FAH: variants seen among roughly 807,000 people sequenced by gnomAD.
FAH encodes the protein fumarylacetoacetate hydrolase.
A neutral mutation model predicts 55.8 loss-of-function variants in FAH; 47 were observed. That is an observed-to-expected ratio of 0.84 (90% CI 0.67 to 1.07). The LOEUF (loss-of-function observed/expected upper bound fraction) is 1.07. FAH is among the 50% of genes least tolerant of loss of function. The pLI, the probability that FAH is intolerant of heterozygous loss-of-function variation, is 0.00. For missense variants in FAH, 495 were observed against 545.9 expected, an observed-to-expected ratio of 0.91 and a Z score of 0.93; for synonymous variants, 199 against 207.7, an observed-to-expected ratio of 0.96 and a Z score of 0.36.
At position 80,172,958 on chromosome 15, in the gene FAH, G is replaced by A. The variant is rs3752693; in HGVS notation, c.707-56G>A. The A allele has an allele frequency of 0.055, 88,770 of 1,613,384 alleles. 3,245 individuals are homozygous for A. The highest frequency in any genetic ancestry group is 0.15 in the East Asian group (6,700 of 44,866). Reference sequence around the variant, plus strand: ...CCTTGGTCAAGGGCAGGAGGGGGTCGTTGGGAGATGCCCTGATCAGCCTTT... The same window carrying A: ...CCTTGGTCAAGGGCAGGAGGGGGTCATTGGGAGATGCCCTGATCAGCCTTT... On this transcript the variant is annotated intron_variant, in intron 8 of 13. Coordinates refer to ENST00000561421, the MANE Select transcript of FAH (RefSeq NM_000137.4).
chr15:80,168,366 G>A, intron 7 of FAH, 50 bp downstream of exon 7: 1 of 1,596,534 alleles, frequency 6.3e-7, no homozygotes, highest in Non-Finnish European at 8.6e-7. Flanking sequence ...ACACCCGGCA[G>A]GAGAGCCCTT....
At chr15:80,155,244 C>T (rs981677121) in intron 1 of FAH, among the ~76,000 whole-genome samples, 1 of 152,216 alleles carries the variant, frequency 6.6e-6, no homozygotes, top group Non-Finnish European at 1.5e-5. Context: ...AACCACGTCA[C>T]TGTTCCCAGG....
intron 3 of FAH, chr15:80,160,116 T>C (rs1230079360): frequency 2.2e-5 from 14 of 634,170 alleles, no homozygotes; most frequent in Non-Finnish European, 3.3e-5. Context: ...CCATTGGCCC[T>C]CTCTCTTACT....
Position 80,158,073 on chromosome 15 carries a change from T to C in FAH, c.95T>C (p.Ile32Thr). Reference sequence around the variant, plus strand: ...TCTTCCTCCTAGCCAAGACCGAGGATAGGTGTGGCCATTGGCGACCAGATC... The same window carrying C: ...TCTTCCTCCTAGCCAAGACCGAGGACAGGTGTGGCCATTGGCGACCAGATC... Reference protein sequence around the residue: ...FSTRGDPRPRIGVAIGDQILD... With the variant: ...FSTRGDPRPRTGVAIGDQILD... Residue 32 changes from isoleucine to threonine, a missense_variant, in exon 2 of 14, where the codon ATA (isoleucine) becomes ACA (threonine). Ile to Thr is a moderately conservative substitution (Grantham distance 89). Coordinates refer to ENST00000561421, the MANE Select transcript of FAH (RefSeq NM_000137.4). 6.2e-7 allele frequency: 1 copy of C among 1,613,844 alleles called. No homozygotes were observed. The highest frequency in any genetic ancestry group is 8.5e-7 in the Non-Finnish European group (1 of 1,179,758).
chr15:80,172,394 C>CT, intron 8 of FAH, 146 bp downstream of exon 8: 1 of 652,302 alleles, frequency 1.5e-6, no homozygotes, highest in Non-Finnish European at 2.7e-6. Context: ...ATCAAACAGA[C>CT]TTTCAGCTCT....
chr15:80,174,983 C>T (rs1223078272), intron 9 of FAH, 33 bp from the exon 10 acceptor site: 1 of 1,606,880 alleles, frequency 6.2e-7, no homozygotes, highest in Non-Finnish European at 8.5e-7. Flanking sequence ...GCCCACCTGC[C>T]AGTGACCTCT....
chr15:80,177,654 C>G, intron 11 of FAH, 71 bp downstream of exon 11: 1 of 1,378,522 alleles, frequency 7.3e-7, no homozygotes, highest in Non-Finnish European at 1.0e-6. Context: ...CTGGCAGGAA[C>G]AGGAGGAGAG....
chr15:80,172,165 C>T lies in FAH; in HGVS notation c.623C>T (p.Pro208Leu), dbSNP rs1358206254. The change falls in exon 8 of 14, where the codon CCT (proline) becomes CTT (leucine). Residue 208 changes from proline (P) to leucine (L), a missense_variant. Physicochemically the swap from Pro to Leu is moderately conservative, Grantham distance 98. Transcript: ENST00000561421. Reference sequence around the variant, plus strand: ...CCATGTAAGGCTTTTTTTGTAGGCCCTGGAAACAGATTGGGAGAGCCGATC... The same window carrying T: ...CCATGTAAGGCTTTTTTTGTAGGCCTTGGAAACAGATTGGGAGAGCCGATC... ...MELEMAFFVG[P>L]GNRLGEPIPI... is the part of the protein sequence containing the mutation. The T allele has an allele frequency of 8.1e-6, 13 of 1,614,078 alleles. No homozygotes were observed. Among genetic ancestry groups the T allele is most frequent in the Non-Finnish European group, 1.1e-5 (13 of 1,179,972 alleles).
chr15:80,157,962 G>C (rs2041112819), intron 1 of FAH, 98 bp from the exon 2 acceptor site: 9 of 859,282 alleles, frequency 1.0e-5, no homozygotes, highest in Non-Finnish European at 1.8e-5. Flanking sequence ...CACCTAAAGG[G>C]GGACCTGTGG....
chr15:80,183,780 C>A (rs540758072), intron 13 of FAH, among the ~76,000 whole-genome samples: 5 of 152,270 alleles, frequency 3.3e-5, no homozygotes, highest in African/African-American at 1.2e-4. Flanking sequence ...TTTTCTATTC[C>A]AAACAAGGCA....
At position 80,181,282 on chromosome 15, in the gene FAH, A is replaced by G. The variant is rs2041329324; in HGVS notation, c.1180+123A>G. On this transcript the variant is annotated intron_variant, in intron 13 of 13. Transcript: ENST00000561421. ...CTCACGCATCCTGACTCTGCCTCCC[A>G]GAGTCTCTGCCTGCTTGTTCTGTCC... 12 of 701,970 alleles carry G rather than the reference A, an allele frequency of 1.7e-5. No individual in the cohort carries two copies. The South Asian group carries it at 1.8e-4, about 10-fold the overall frequency. The allele number at this position is 701,970 out of a possible 1,614,324, so 43.5% of individuals were successfully genotyped here.
At chr15:80,164,100 A>G (rs768771450) in intron 5 of FAH, among the ~76,000 whole-genome samples, 2 of 152,212 alleles carry the variant, frequency 1.3e-5, no homozygotes. Context: ...ATTACCACAA[A>G]CTTGGTGGCT....
At chr15:80,172,045 G>T (rs1415127813) in intron 7 of FAH, 104 bp from the exon 8 acceptor site, 13 of 851,008 alleles carry the variant, frequency 1.5e-5, no homozygotes, top group African/African-American at 3.3e-5. Flanking sequence ...GGCAGTCCTG[G>T]TCCATGGCTG....
chr15:80,176,504 G>C (rs1001762870), intron 10 of FAH, among the ~76,000 whole-genome samples: 10 of 152,214 alleles, frequency 6.6e-5, no homozygotes, highest in African/African-American at 2.4e-4. Flanking sequence ...AGAGCCTCCT[G>C]GCTGCCCAGG....
Position 80,180,261 on chromosome 15 carries a change from G to C in FAH, c.1062+36G>C, listed in dbSNP as rs745629160. Reference sequence around the variant, plus strand: ...GGCTGCACTGAGGGCTGCCCACGCAGAGCATCCCTGCTCCCCACACAGCCC... The same window carrying C: ...GGCTGCACTGAGGGCTGCCCACGCACAGCATCCCTGCTCCCCACACAGCCC... On this transcript the variant is annotated intron_variant, in intron 12 of 13. Transcript: ENST00000561421. 5.2e-6 allele frequency: 8 copies of C among 1,531,178 alleles called. No individual in the cohort carries two copies. In the East Asian group the frequency reaches 1.8e-4, roughly 34 times the overall value. The allele number at this position is 1,531,178 out of a possible 1,614,324, so 94.8% of individuals were successfully genotyped here.
At chr15:80,153,171 GGGAGTGGAGTGGAGT>G (rs57837512) in intron 1 of FAH, 36 bp downstream of exon 1, 82 of 1,250,094 alleles carry the variant, frequency 6.6e-5, no homozygotes, top group Admixed American at 3.1e-4. Context: ...GGCGCGGGGA[GGGAGTGGAGTGGAGT>G]GGAGTGGAGT....
intron 4 of FAH, 123 bp downstream of exon 4, chr15:80,160,582 G>T: frequency 1.1e-6 from 1 of 901,892 alleles, no homozygotes; most frequent in Non-Finnish European, 1.8e-6. Context: ...ATGGAGGAGG[G>T]GCTCTGGGGC....
At chr15:80,180,309 G>A (rs1408306019) in intron 12 of FAH, 84 bp downstream of exon 12, 47 of 1,125,228 alleles carry the variant, frequency 4.2e-5, no homozygotes, top group Non-Finnish European at 5.4e-5. Context: ...GCTCAGCCTC[G>A]AGAAGAGATT....
At chr15:80,176,524 G>C (rs1187130727) in intron 10 of FAH, among the ~76,000 whole-genome samples, 3 of 152,236 alleles carry the variant, frequency 2.0e-5, no homozygotes, top group Non-Finnish European at 2.9e-5. Flanking sequence ...GGCCCTCTGG[G>C]AAGCTGTGCT....
Sources: allele counts gnomAD v4.1 joint callset (sites outside exome capture counted in the v4.1 genomes callset), GRCh38; gene constraint gnomAD v4.1.1; transcripts MANE v1.5; gene names NCBI Gene and HGNC (gene_info 2026-07-23, HGNC 2026-07-21).